Variants in TTLL3 observed in about 807,000 individuals in gnomAD.
The protein encoded by TTLL3 is tubulin monoglycylase TTLL3.
A neutral mutation model predicts 75.2 loss-of-function variants in TTLL3; 63 were observed. The ratio of observed to expected loss-of-function variants is 0.84; its 90% CI spans 0.68 to 1.03. The LOEUF (loss-of-function observed/expected upper bound fraction) is 1.03. Among genes scored for constraint, TTLL3 ranks in the 50% least tolerant of loss-of-function variants. The pLI is 0.00. For missense variants in TTLL3, 997 were observed against 1,069.9 expected, an observed-to-expected ratio of 0.93 and a Z score of 0.95; for synonymous variants, 393 against 418.5, an observed-to-expected ratio of 0.94 and a Z score of 0.74.
In TTLL3 at chr3:9,835,515, C is replaced by T. The variant is rs370479487; in HGVS notation, c.*26C>T. 1.4e-5 allele frequency: 22 copies of T among 1,542,996 alleles called. No homozygotes were observed. Among genetic ancestry groups the T allele is most frequent in the African/African-American group, 8.3e-5 (6 of 72,460 alleles). ...GGCCATCAGCAGCTCCTCCGTGCAG[C>T]GAGGCCCAGAATTCCCACCTAAGGA... is the stretch of plus-strand genomic sequence containing the variant. On this transcript the variant is annotated 3_prime_UTR_variant, in exon 14 of 14. Transcript: ENST00000685419.
At chr3:9,820,176 G>A (rs1244600766) in intron 7 of TTLL3, 6 of 1,023,490 alleles carry the variant, frequency 5.9e-6, no homozygotes, top group East Asian at 8.9e-5. Flanking sequence ...CAGACTTGGG[G>A]GAGGGGCGTT....
At position 9,834,695 on chromosome 3, in the gene TTLL3, C is replaced by G; in HGVS notation, c.1840C>G (p.Pro614Ala). Reference protein sequence around the residue: ...RGSGEARHHFPSLHTKAQLPS... With the variant: ...RGSGEARHHFASLHTKAQLPS... The stretch of plus-strand genomic sequence containing the variant: ...TGCTCCCACAGCCCGTCACCACTTC[C>G]CCAGCCTCCACACCAAGGCCCAGCT... Residue 614 changes from proline (P) to alanine (A), a missense_variant, in exon 13 of 14, where the codon CCC becomes GCC. Coordinates refer to ENST00000685419, the MANE Select transcript of TTLL3 (RefSeq NM_001387446.1). The G allele has an allele frequency of 6.2e-7, 1 of 1,614,194 alleles. No individual in the cohort carries two copies. The highest frequency in any genetic ancestry group is 8.5e-7 in the Non-Finnish European group (1 of 1,180,040).
In TTLL3 at chr3:9,829,098, T is replaced by A. The variant is rs1426027933; in HGVS notation, c.1386T>A (p.Ala462=). ...AHLQEMGAPN[A]WSTIIVPGMK... ...TGCAGGAGATGGGTGCCCCAAATGC[T>A]TGGTCCACCATCATCGTGCCTGGCA... Residue 462 remains alanine (A), a synonymous_variant, in exon 11 of 14, where the codon GCT becomes GCA. Transcript: ENST00000685419. The A allele has an allele frequency of 3.7e-6, 6 of 1,614,244 alleles. No homozygotes were observed. The highest frequency in any genetic ancestry group is 3.3e-5 in the Admixed American group (2 of 60,024).
intron 12 of TTLL3, among the ~76,000 whole-genome samples, chr3:9,833,534 T>C (rs1011101341): frequency 6.6e-6 from 1 of 152,164 alleles, no homozygotes; most frequent in African/African-American, 2.4e-5. Flanking sequence ...CCCCGGGCCC[T>C]GGGTAAGACC....
intron 8 of TTLL3, among the ~76,000 whole-genome samples, chr3:9,821,414 T>C (rs11131191): frequency 0.58 from 88,739 of 152,054 alleles, 27,031 homozygotes; most frequent in Non-Finnish European, 0.66. Context: ...TGCCAGGTTC[T>C]GAAATGAAGC....
Position 9,817,776 on chromosome 3 carries a change from C to T in TTLL3, c.559+17C>T, listed in dbSNP as rs3806671. The T allele has an allele frequency of 0.25, 408,116 of 1,613,706 alleles. 55,524 individuals carry two copies. Among genetic ancestry groups the T allele is most frequent in the East Asian group, 0.52 (23,486 of 44,844 alleles). ...CCTTCATAGGTAAGGAGACCCCCAG[C>T]CCTATGCCTGAACCTCAGGCTGACA... On this transcript the variant is annotated intron_variant, in intron 6 of 13. Transcript: ENST00000685419.
chr3:9,817,238 C>A (rs1443269533), intron 5 of TTLL3, among the ~76,000 whole-genome samples: 1 of 152,150 alleles, frequency 6.6e-6, no homozygotes, highest in Non-Finnish European at 1.5e-5. Context: ...TCCTGGCTAA[C>A]ACGGTGAAAT....
intron 11 of TTLL3, among the ~76,000 whole-genome samples, chr3:9,831,430 C>T (rs2081520020): frequency 6.6e-6 from 1 of 152,194 alleles, no homozygotes; most frequent in South Asian, 2.1e-4. Context: ...ATGCCGCGTA[C>T]CTCATGTGGC....
At chr3:9,834,308 C>T (rs371288113) in intron 12 of TTLL3, 35 of 471,024 alleles carry the variant, frequency 7.4e-5, no homozygotes, top group African/African-American at 2.5e-4. Context: ...AGTCACCTCT[C>T]GGGGAAAGAA....
rs2124952950 is a variant in TTLL3 at position 9,828,953 on chromosome 3, G to A, written c.1248-7G>A. ...CCTGGACCTCAGTTTTCTGTTCTCT[G>A]CCCCAGCTCAGTGCACCTGTGCAAC... On this transcript the variant is annotated splice_region_variant and splice_polypyrimidine_tract_variant and intron_variant, in intron 10 of 13. Transcript: ENST00000685419. 1.2e-6 allele frequency: 2 copies of A among 1,613,936 alleles called. No individual in the cohort carries two copies. Among genetic ancestry groups the A allele is most frequent in the South Asian group, 2.2e-5 (2 of 91,068 alleles).
At chr3:9,827,473 G>A (rs1362353883) in intron 10 of TTLL3, 3 of 618,608 alleles carry the variant, frequency 4.8e-6, no homozygotes, top group East Asian at 3.5e-5. Flanking sequence ...CATGGTCACG[G>A]CTCACTGTAG....
chr3:9,819,996 C>T (rs954427701), intron 7 of TTLL3: 15 of 987,730 alleles, frequency 1.5e-5, no homozygotes, highest in Admixed American at 1.2e-4. Context: ...TAGATGTGCA[C>T]GGGGTCTTCT....
intron 10 of TTLL3, 126 bp from the exon 11 acceptor site, chr3:9,828,834 G>T (rs1447548885): frequency 8.2e-7 from 1 of 1,226,946 alleles, no homozygotes; most frequent in African/African-American, 1.5e-5. Flanking sequence ...CTTCCCAGTA[G>T]GGCCCCATCT....
chr3:9,821,990 G>T (rs1404487335), intron 8 of TTLL3, among the ~76,000 whole-genome samples: 1 of 135,398 alleles, frequency 7.4e-6, no homozygotes, highest in African/African-American at 2.7e-5. Context: ...GTGACAGAAT[G>T]AGACTCCGTC....
intron 12 of TTLL3, chr3:9,834,233 GC>G (rs1237899471): frequency 2.7e-6 from 1 of 371,388 alleles, no homozygotes; most frequent in East Asian, 7.3e-5. Context: ...CAGGACTTAA[GC>G]CCAGGTTGCT....
At chr3:9,823,402 GTTTT>G (rs60013146) in intron 8 of TTLL3, among the ~76,000 whole-genome samples, 1 of 124,996 alleles carries the variant, frequency 8.0e-6, no homozygotes, top group Non-Finnish European at 1.6e-5. Flanking sequence ...CAAACAGCCA[GTTTT>G]TTTTTTTTTT....
chr3:9,829,556 G>C (rs2081340030), intron 11 of TTLL3, among the ~76,000 whole-genome samples, 161 bp downstream of exon 11: 1 of 152,156 alleles, frequency 6.6e-6, no homozygotes, highest in Non-Finnish European at 1.5e-5. Flanking sequence ...TCAGTTTCCT[G>C]ATCTTTGAAA....
In TTLL3 at chr3:9,827,219, T is replaced by C; in HGVS notation, c.1226T>C (p.Phe409Ser). 1 of 1,614,082 alleles carries C rather than the reference T, an allele frequency of 6.2e-7. No individual in the cohort carries two copies. ...DSYIRFSTQP[F>S]SLKNLDNSVH... ...TATATCCGCTTTTCCACGCAGCCCT[T>C]CTCCCTGAAGAACCTGGACAAGTGA... The change falls in exon 10 of 14, where the codon TTC becomes TCC. Residue 409 changes from phenylalanine to serine, a missense_variant. By Grantham distance (155) the Phe-to-Ser change is radical. Coordinates refer to ENST00000685419, the MANE Select transcript of TTLL3 (RefSeq NM_001387446.1).
chr3:9,834,044 G>A (rs1446128318), intron 12 of TTLL3: 10 of 206,710 alleles, frequency 4.8e-5, no homozygotes, highest in South Asian at 1.5e-4. Flanking sequence ...CCCAGGAAGC[G>A]GAGGTTGCAG....
Sources: allele counts gnomAD v4.1 joint callset (sites outside exome capture counted in the v4.1 genomes callset), GRCh38; gene constraint gnomAD v4.1.1; transcripts MANE v1.5; gene names NCBI Gene and HGNC (gene_info 2026-07-23, HGNC 2026-07-21).